The following FANCI variants were observed in gnomAD, a reference collection of about 807,000 sequenced individuals.
The protein encoded by FANCI is Fanconi anemia group I protein.
FANCI carries 156 observed loss-of-function variants against 176.1 expected under a neutral mutation model. The ratio of observed to expected loss-of-function variants is 0.89; its 90% CI spans 0.78 to 1.01. The LOEUF is 1.01. Ranked by LOEUF, FANCI falls within the 50% of genes least tolerant of loss-of-function variation. The pLI is 0.00. For synonymous variants in FANCI, 613 were observed against 541.7 expected (o/e 1.13, Z -1.83); for missense variants, 1,678 against 1,534.1 (o/e 1.09, Z -1.57).
Position 89,285,216 on chromosome 15 carries a change from G to C in FANCI, c.1819G>C (p.Glu607Gln). 1 of 1,614,122 alleles carries C rather than the reference G, an allele frequency of 6.2e-7. No individual in the cohort carries two copies. Residue 607 changes from glutamate to glutamine, a missense_variant and splice_region_variant, in exon 18 of 38, where the codon GAG (glutamate) becomes CAG (glutamine). Coordinates refer to ENST00000310775, the MANE Select transcript of FANCI (RefSeq NM_001113378.2). ...AGCTGATGTTCGACTCATGCTTTAT[G>C]AGGTAAGTCCGTAGAATGGAAAGAA... ...QQADVRLMLY[E>Q]GFYDVLRRNS... is the part of the protein sequence containing the mutation.
At chr15:89,296,987 T>C (rs2054312534) in intron 24 of FANCI, among the ~76,000 whole-genome samples, 1 of 138,798 alleles carries the variant, frequency 7.2e-6, no homozygotes, top group African/African-American at 2.9e-5. Flanking sequence ...CCCACCTCCC[T>C]CCCGGACGGG....
In FANCI at chr15:89,316,492, C is replaced by T; in HGVS notation, c.*33C>T. The T allele has an allele frequency of 1.3e-6, 2 of 1,584,370 alleles. No individual in the cohort carries two copies. The highest frequency in any genetic ancestry group is 1.7e-6 in the Non-Finnish European group (2 of 1,161,590). On this transcript the variant is annotated 3_prime_UTR_variant, in exon 38 of 38. Coordinates refer to ENST00000310775, the MANE Select transcript of FANCI (RefSeq NM_001113378.2). ...GCCTGAGTTAATGTGAACTTTGGGG[C>T]TTCTGCTTCATTTTTACCCAACAAG...
chr15:89,263,488 G>C lies in FANCI; in HGVS notation c.545+28G>C, dbSNP rs1471647090. The stretch of plus-strand genomic sequence containing the variant: ...AAGCATCATCTTTTCCCTTTTCTTT[G>C]TGTATCCTGCTTTGTGAACTTACTT... On this transcript the variant is annotated intron_variant, in intron 7 of 37. Coordinates refer to ENST00000310775, the MANE Select transcript of FANCI (RefSeq NM_001113378.2). 1.9e-6 allele frequency: 3 copies of C among 1,586,660 alleles called. No individual in the cohort carries two copies. In the African/African-American group the frequency reaches 4.0e-5, roughly 21 times the overall value.
rs770634041 is a variant in FANCI at position 89,281,213 on chromosome 15, A to C, written c.1425A>C (p.Gln475His). The change falls in exon 15 of 38, where the codon CAA becomes CAC. Residue 475 changes from glutamine (Q) to histidine (H), a missense_variant. By Grantham distance (24) the Gln-to-His change is conservative. Coordinates refer to ENST00000310775, the MANE Select transcript of FANCI (RefSeq NM_001113378.2). ...NIVMYAPLVL[Q>H]SCSSKVTEAF... ...TCATGTATGCACCCTTAGTTCTTCA[A>C]AGTTGTTCTTCTAAAGTCACAGAAG... The C allele has an allele frequency of 1.9e-6, 3 of 1,613,876 alleles. No homozygotes were observed. Among genetic ancestry groups the C allele is most frequent in the African/African-American group, 1.3e-5 (1 of 75,056 alleles).
In FANCI at chr15:89,278,779, T is replaced by G; in HGVS notation, c.1381+5T>G. The G allele has an allele frequency of 6.2e-7, 1 of 1,607,290 alleles. No homozygotes were observed. Among genetic ancestry groups the G allele is most frequent in the Non-Finnish European group, 8.5e-7 (1 of 1,173,888 alleles). The stretch of plus-strand genomic sequence containing the variant: ...CTCCCATCAGTCATTTCTTAGGTAT[T>G]CAACTTTGAAAGAATGAATAAAGTT... On this transcript the variant is annotated splice_donor_5th_base_variant and intron_variant, in intron 14 of 37. Transcript: ENST00000310775.
At position 89,279,216 on chromosome 15, in the gene FANCI, G is replaced by T. The variant is rs370210237; in HGVS notation, c.1381+442G>T. 7.2e-5 allele frequency among the ~76,000 whole-genome samples: 11 copies of T among 152,190 alleles called. No individual in the cohort carries two copies. In the East Asian group the frequency reaches 1.7e-3, roughly 24 times the overall value. On this transcript the variant is annotated intron_variant, in intron 14 of 37. Coordinates refer to ENST00000310775, the MANE Select transcript of FANCI (RefSeq NM_001113378.2). Reference sequence around the variant, plus strand: ...TTCACTCTGTTGCCTGGAGTGCAGTGGCGCAATCTCAGCTCACTGCAACCT... The same window carrying T: ...TTCACTCTGTTGCCTGGAGTGCAGTTGCGCAATCTCAGCTCACTGCAACCT...
At chr15:89,295,659 T>G (rs2054231380) in intron 24 of FANCI, among the ~76,000 whole-genome samples, 1 of 150,608 alleles carries the variant, frequency 6.6e-6, no homozygotes, top group Admixed American at 6.6e-5. Flanking sequence ...AGAGCGAAAC[T>G]CCATCTTAAA....
At chr15:89,262,897 CT>C (rs1365750239) in intron 6 of FANCI, among the ~76,000 whole-genome samples, 2 of 152,070 alleles carry the variant, frequency 1.3e-5, no homozygotes, top group Non-Finnish European at 2.9e-5. Flanking sequence ...CAATGAATGT[CT>C]TTTTTAATTT....
At chr15:89,268,617 A>T in intron 10 of FANCI, 92 bp downstream of exon 10, 1 of 1,494,320 alleles carries the variant, frequency 6.7e-7, no homozygotes, top group Non-Finnish European at 9.3e-7. Context: ...ACAGGAAATA[A>T]ATACTGTAAA....
intron 2 of FANCI, among the ~76,000 whole-genome samples, chr15:89,254,708 T>G (rs77583725): frequency 0.012 from 1,891 of 152,172 alleles, 35 homozygotes; most frequent in African/African-American, 0.043. Context: ...AACTGGAGGG[T>G]TGCTGAGGCA....
chr15:89,302,529 A>G (rs1230238572), intron 27 of FANCI, among the ~76,000 whole-genome samples: 1 of 152,116 alleles, frequency 6.6e-6, no homozygotes, highest in Non-Finnish European at 1.5e-5. Context: ...TAAACGTTTT[A>G]CCACCTACCC....
At chr15:89,245,420 A>G (rs902436177) in intron 1 of FANCI, 2 of 121,596 alleles carry the variant, frequency 1.6e-5, no homozygotes, top group Non-Finnish European at 3.2e-5. Flanking sequence ...GAAGGTCTGG[A>G]TGTCTTGACC....
chr15:89,284,012 C>T (rs1278052741), intron 17 of FANCI, among the ~76,000 whole-genome samples: 6 of 152,034 alleles, frequency 3.9e-5, no homozygotes, highest in African/African-American at 4.8e-5. Flanking sequence ...CCACCCGCCT[C>T]GGCCTCCCAA....
intron 1 of FANCI, among the ~76,000 whole-genome samples, chr15:89,244,942 G>T (rs2051878682): frequency 6.6e-6 from 1 of 152,196 alleles, no homozygotes; most frequent in African/African-American, 2.4e-5. Context: ...TTGTTACCTA[G>T]TTTGAGCTAG....
chr15:89,261,611 G>T lies in FANCI; in HGVS notation c.315G>T (p.Leu105Phe). The change falls in exon 5 of 38, where the codon TTG becomes TTT. Residue 105 changes from leucine (L) to phenylalanine (F), a missense_variant. By Grantham distance (22) the Leu-to-Phe change is conservative. This residue lies in a region of FANCI where 469 missense variants were observed against 436.9 expected (regional missense o/e 1.07). Transcript: ENST00000310775. ...LEAHHFPGPL[L>F]VELANEFISA... ...CTCACCATTTTCCAGGACCATTATT[G>T]GTTGAATTAGCCAATGAGTTTATTA... is the stretch of plus-strand genomic sequence containing the variant. The T allele has an allele frequency of 6.2e-7, 1 of 1,614,086 alleles. No homozygotes were observed.
At chr15:89,261,231 G>A (rs562136813) in intron 4 of FANCI, among the ~76,000 whole-genome samples, 25 of 152,192 alleles carry the variant, frequency 1.6e-4, no homozygotes, top group Non-Finnish European at 2.6e-4. Context: ...AGATTGCACC[G>A]CTGCAGTCCA....
intron 26 of FANCI, 65 bp downstream of exon 26, chr15:89,300,450 G>T: frequency 6.9e-7 from 1 of 1,447,232 alleles, no homozygotes; most frequent in Non-Finnish European, 9.7e-7. Context: ...GTTAGCAGGG[G>T]CAGCTGGTAA....
chr15:89,281,744 T>C (rs1234476640), intron 15 of FANCI, 21 bp from the exon 16 acceptor site: 1 of 1,612,434 alleles, frequency 6.2e-7, no homozygotes, highest in African/African-American at 1.3e-5. Context: ...GTTCTGTTTT[T>C]ACCCACTGAT....
chr15:89,303,794 CTTCTG>C lies in FANCI; in HGVS notation c.3007-64_3007-60del, dbSNP rs528132264. 418 of 1,386,768 alleles carry C rather than the reference CTTCTG, an allele frequency of 3.0e-4. 4 individuals carry two copies. The South Asian group carries it at 3.5e-3, about 12-fold the overall frequency. The allele number at this position is 1,386,768 out of a possible 1,614,324, so 85.9% of individuals were successfully genotyped here. A position where few individuals can be genotyped will look rare whatever the true frequency, so the allele number is the denominator to read the frequency against. On this transcript the variant is annotated intron_variant, in intron 27 of 37. Transcript: ENST00000310775. ...CTTAGATATGGAAAGGTCTAGAACT[CTTCTG>C]TTCTGACAACACCTAGGTCTATCTC...
Sources: allele counts gnomAD v4.1 joint callset (sites outside exome capture counted in the v4.1 genomes callset), GRCh38; gene constraint gnomAD v4.1.1; regional missense constraint gnomAD v4.1.1; transcripts MANE v1.5; gene names NCBI Gene and HGNC (gene_info 2026-07-23, HGNC 2026-07-21).